The following NDST3 variants were observed in gnomAD, a reference collection of about 807,000 sequenced individuals.
The protein encoded by NDST3 is N-deacetylase and N-sulfotransferase 3.
A neutral mutation model predicts 96.1 loss-of-function variants in NDST3; 58 were observed. The observed-to-expected ratio is 0.60, with a 90% CI of 0.49 to 0.75. The LOEUF (loss-of-function observed/expected upper bound fraction) is 0.75. Ranked by LOEUF, NDST3 falls within the 30% of genes least tolerant of loss-of-function variation. NDST3 has a pLI of 0.00. For missense variants in NDST3, 788 were observed against 1,034.2 expected, an observed-to-expected ratio of 0.76 and a Z score of 3.27; for synonymous variants, 333 against 359.7, an observed-to-expected ratio of 0.93 and a Z score of 0.84.
chr4:118,141,703 T>C (rs906836295), intron 5 of NDST3, among the ~76,000 whole-genome samples: 1 of 152,208 alleles, frequency 6.6e-6, no homozygotes, highest in Non-Finnish European at 1.5e-5. Flanking sequence ...TCATACACTT[T>C]TAAAATGTTA....
intron 1 of NDST3, among the ~76,000 whole-genome samples, chr4:118,044,422 C>T (rs1340917402): frequency 6.6e-6 from 1 of 152,228 alleles, no homozygotes; most frequent in Admixed American, 6.5e-5. Context: ...CCTCACATGG[C>T]ATGCCAAGTT....
chr4:118,142,764 CA>C (rs1733660506), intron 5 of NDST3, among the ~76,000 whole-genome samples: 1 of 152,150 alleles, frequency 6.6e-6, no homozygotes, highest in South Asian at 2.1e-4. Flanking sequence ...TTATCTTGCA[CA>C]ACTTTAATTC....
intron 1 of NDST3, among the ~76,000 whole-genome samples, chr4:118,052,945 A>G (rs1725164668): frequency 6.6e-6 from 1 of 152,172 alleles, no homozygotes; most frequent in Admixed American, 6.6e-5. Flanking sequence ...TTACATTTTT[A>G]AAAACATTTT....
intron 8 of NDST3, among the ~76,000 whole-genome samples, chr4:118,231,906 T>C (rs1740319123): frequency 1.3e-5 from 2 of 152,118 alleles, no homozygotes; most frequent in Non-Finnish European, 2.9e-5. Flanking sequence ...AACTGTACAG[T>C]TTATGACATT....
At chr4:118,243,005 T>A (rs780868579) in intron 12 of NDST3, among the ~76,000 whole-genome samples, 1 of 152,146 alleles carries the variant, frequency 6.6e-6, no homozygotes, top group Non-Finnish European at 1.5e-5. Flanking sequence ...TTAGGAGAAT[T>A]ATATTTGTTC....
chr4:118,061,744 G>A (rs11730611), intron 2 of NDST3, among the ~76,000 whole-genome samples: 114,455 of 152,052 alleles, frequency 0.75, 45,741 homozygotes, highest in South Asian at 0.92. Flanking sequence ...ATATTTGTTG[G>A]ATGAATGAAT....
At chr4:118,237,017 T>C (rs769475125) in intron 9 of NDST3, 29 bp from the exon 10 acceptor site, 10 of 1,529,926 alleles carry the variant, frequency 6.5e-6, no homozygotes, top group South Asian at 2.5e-5. Flanking sequence ...AACCAGAATC[T>C]TATTTTGAGA....
chr4:118,207,692 T>A (rs1738522148), intron 6 of NDST3, among the ~76,000 whole-genome samples: 2 of 145,108 alleles, frequency 1.4e-5, no homozygotes, highest in South Asian at 2.3e-4. Context: ...CCTAACAAGG[T>A]GAATTTTCTT....
chr4:118,161,264 G>A (rs1380228134), intron 6 of NDST3, among the ~76,000 whole-genome samples: 1 of 152,204 alleles, frequency 6.6e-6, no homozygotes, highest in Non-Finnish European at 1.5e-5. Flanking sequence ...GCCGTGTGAG[G>A]TGTCAGTCTG....
chr4:118,249,998 T>C (rs1741580408), intron 12 of NDST3, among the ~76,000 whole-genome samples: 2 of 152,238 alleles, frequency 1.3e-5, no homozygotes, highest in South Asian at 2.1e-4. Context: ...CTTAGCATAA[T>C]GATTCTGAGT....
chr4:118,240,186 G>C (rs640713), intron 10 of NDST3, among the ~76,000 whole-genome samples: 44,749 of 151,594 alleles, frequency 0.3, 8,108 homozygotes, highest in Middle Eastern at 0.43. Context: ...GTTTGCTTAT[G>C]AGCTGGAAAG....
chr4:118,169,529 C>A (rs1344425256), intron 6 of NDST3, among the ~76,000 whole-genome samples: 1 of 152,142 alleles, frequency 6.6e-6, no homozygotes, highest in Non-Finnish European at 1.5e-5. Flanking sequence ...CACAGTGGCT[C>A]ACGCCTGTAA....
chr4:118,097,044 G>A (rs776641733), intron 2 of NDST3, among the ~76,000 whole-genome samples: 1 of 151,842 alleles, frequency 6.6e-6, no homozygotes, highest in Non-Finnish European at 1.5e-5. Flanking sequence ...ATTGGATGAG[G>A]GCCACCATCT....
intron 6 of NDST3, among the ~76,000 whole-genome samples, chr4:118,146,123 GC>G (rs1382829077): frequency 6.6e-6 from 1 of 152,212 alleles, no homozygotes; most frequent in African/African-American, 2.4e-5. Flanking sequence ...AGTAAGGCAT[GC>G]CAGTAATTTA....
chr4:118,225,396 G>T (rs1357890021), intron 7 of NDST3, among the ~76,000 whole-genome samples: 1 of 152,090 alleles, frequency 6.6e-6, no homozygotes, highest in Non-Finnish European at 1.5e-5. Flanking sequence ...TATGTCAGAC[G>T]GGGCACTTGA....
chr4:118,162,446 C>T (rs1415322634), intron 6 of NDST3, among the ~76,000 whole-genome samples: 8 of 151,934 alleles, frequency 5.3e-5, no homozygotes, highest in Non-Finnish European at 5.9e-5. Context: ...AATAATGCTG[C>T]GTATCTACAA....
At chr4:118,064,394 A>C (rs1726137711) in intron 2 of NDST3, among the ~76,000 whole-genome samples, 1 of 152,118 alleles carries the variant, frequency 6.6e-6, no homozygotes, top group Non-Finnish European at 1.5e-5. Context: ...ATGAATAATG[A>C]AACTGGAGAC....
At chr4:118,084,252 G>A (rs1308997047) in intron 2 of NDST3, among the ~76,000 whole-genome samples, 3 of 152,092 alleles carry the variant, frequency 2.0e-5, no homozygotes, top group African/African-American at 7.2e-5. Context: ...GTAACTATGT[G>A]AGATGATGGA....
intron 12 of NDST3, among the ~76,000 whole-genome samples, chr4:118,251,228 G>A (rs1351780470): frequency 1.6e-4 from 24 of 148,550 alleles, no homozygotes; most frequent in East Asian, 1.4e-3. Flanking sequence ...CCGGGTTCAC[G>A]CCATTCTCCT....
Sources: gnomAD v4.1 joint callset for allele counts (sites outside exome capture counted in the v4.1 genomes callset) on GRCh38, gnomAD v4.1.1 for gene constraint, MANE v1.5 for transcripts, NCBI Gene and HGNC (gene_info 2026-07-23, HGNC 2026-07-21) for gene names.